Variants in RBPJ observed in about 807,000 individuals in gnomAD.
The protein encoded by RBPJ is recombining binding protein suppressor of hairless.
Under a neutral mutation model 67.8 loss-of-function variants are expected in RBPJ, and 9 were observed. The observed-to-expected ratio is 0.13, with a 90% CI of 0.08 to 0.23. The LOEUF (loss-of-function observed/expected upper bound fraction) is 0.23, where lower values mean the gene tolerates loss of function less well. RBPJ is among the 10% of genes least tolerant of loss of function. The pLI, the probability that RBPJ is intolerant of heterozygous loss-of-function variation, is 1.00. For synonymous variants in RBPJ, 198 were observed against 203.3 expected, an observed-to-expected ratio of 0.97 and a Z score of 0.22; for missense variants, 305 against 595.6, an observed-to-expected ratio of 0.51 and a Z score of 5.08.
intron 1 of RBPJ, among the ~76,000 whole-genome samples, chr4:26,274,236 C>T (rs1451619487): frequency 6.6e-6 from 1 of 152,220 alleles, no homozygotes; most frequent in Non-Finnish European, 1.5e-5. Context: ...GTGCCACATA[C>T]ATAGTAGGCG....
At chr4:26,255,726 C>T (rs1434002899) in intron 1 of RBPJ, among the ~76,000 whole-genome samples, 2 of 149,476 alleles carry the variant, frequency 1.3e-5, no homozygotes, top group Non-Finnish European at 3.0e-5. Context: ...GGCGTGAACC[C>T]GGGAGGCAGA....
At chr4:26,323,030 G>A (rs1379332529) in intron 1 of RBPJ, 2 of 149,258 alleles carry the variant, frequency 1.3e-5, no homozygotes, top group African/African-American at 5.0e-5. Context: ...TTGTTGATAG[G>A]GGACATACGA....
intron 1 of RBPJ, among the ~76,000 whole-genome samples, chr4:26,348,696 T>A (rs1199319398): frequency 3.3e-5 from 5 of 149,548 alleles, no homozygotes; most frequent in Admixed American, 3.3e-4. Flanking sequence ...TTTTTTGATT[T>A]TTGTTTTTTG....
At chr4:26,415,273 G>T (rs1232239215) in intron 3 of RBPJ, among the ~76,000 whole-genome samples, 1 of 152,148 alleles carries the variant, frequency 6.6e-6, no homozygotes, top group Non-Finnish European at 1.5e-5. Context: ...TGCCTGAACA[G>T]ATTTAGTCAT....
chr4:26,338,152 C>CTTT (rs1725080548), intron 1 of RBPJ, among the ~76,000 whole-genome samples: 1 of 92,970 alleles, frequency 1.1e-5, no homozygotes. Context: ...GTGTATTTTT[C>CTTT]TTTCTTTTTT....
chr4:26,380,724 G>T (rs764986748), intron 1 of RBPJ, among the ~76,000 whole-genome samples: 3 of 151,910 alleles, frequency 2.0e-5, no homozygotes, highest in Non-Finnish European at 4.4e-5. Flanking sequence ...CAGCAGATTG[G>T]TGTAAAGTTT....
At chr4:26,175,523 C>T (rs1270427869) in intron 1 of RBPJ, among the ~76,000 whole-genome samples, 4 of 152,198 alleles carry the variant, frequency 2.6e-5, no homozygotes, top group South Asian at 2.1e-4. Context: ...CACCCAGTTA[C>T]GTTTACCCCT....
At chr4:26,230,189 T>TAAAAAA (rs76427821) in intron 1 of RBPJ, among the ~76,000 whole-genome samples, 1 of 138,426 alleles carries the variant, frequency 7.2e-6, no homozygotes, top group African/African-American at 2.6e-5. Flanking sequence ...GACCCTATCT[T>TAAAAAA]AAAAAAAAAA....
intron 1 of RBPJ, among the ~76,000 whole-genome samples, chr4:26,275,998 G>C (rs1181583594): frequency 4.0e-5 from 6 of 151,356 alleles, no homozygotes; most frequent in Admixed American, 3.9e-4. Context: ...TTGTAGGCTG[G>C]GCGTGGTGGC....
intron 8 of RBPJ, 22 bp downstream of exon 8, chr4:26,428,882 G>GA (rs1274368359): frequency 3.2e-6 from 5 of 1,576,698 alleles, no homozygotes; most frequent in Non-Finnish European, 3.5e-6. Context: ...AATTACTGGT[G>GA]AAATCTAAAA....
chr4:26,407,743 A>G (rs985110151), intron 3 of RBPJ, among the ~76,000 whole-genome samples: 2 of 152,220 alleles, frequency 1.3e-5, no homozygotes, highest in Non-Finnish European at 2.9e-5. Flanking sequence ...TGTGACATAA[A>G]GGAAACCTCA....
the RBPJ span, among the ~76,000 whole-genome samples, chr4:26,114,481 A>ATG: frequency 1.4e-5 from 1 of 69,206 alleles, no homozygotes; most frequent in African/African-American, 6.9e-5. Flanking sequence ...GAATGTACAT[A>ATG]TATATATATA....
At chr4:26,287,402 A>T (rs1028438576) in intron 1 of RBPJ, among the ~76,000 whole-genome samples, 2 of 151,134 alleles carry the variant, frequency 1.3e-5, no homozygotes. Flanking sequence ...ATATAATAAC[A>T]ATTAGCCAGA....
chr4:26,400,850 T>C (rs946278135), intron 2 of RBPJ, among the ~76,000 whole-genome samples: 1 of 152,230 alleles, frequency 6.6e-6, no homozygotes, highest in Non-Finnish European at 1.5e-5. Flanking sequence ...CATCCAGTAG[T>C]AGAAGCCAGT....
intron 1 of RBPJ, among the ~76,000 whole-genome samples, chr4:26,349,271 T>A (rs1307591208): frequency 6.6e-6 from 1 of 152,024 alleles, no homozygotes; most frequent in Non-Finnish European, 1.5e-5. Flanking sequence ...GGTGTCTCGC[T>A]ATGTTGCCCA....
intron 1 of RBPJ, among the ~76,000 whole-genome samples, chr4:26,248,293 AAATC>A (rs766730405): frequency 6.6e-6 from 1 of 152,166 alleles, no homozygotes; most frequent in East Asian, 1.9e-4. Context: ...TCCATCTCAA[AAATC>A]AATCAATCAA....
intron 1 of RBPJ, among the ~76,000 whole-genome samples, chr4:26,368,953 G>A (rs1728889481): frequency 6.6e-6 from 1 of 152,124 alleles, no homozygotes; most frequent in South Asian, 2.1e-4. Flanking sequence ...TCTGTAGGGA[G>A]CCAATTTTCA....
chr4:26,328,610 T>G (rs1288488919), intron 1 of RBPJ, among the ~76,000 whole-genome samples: 2 of 152,176 alleles, frequency 1.3e-5, no homozygotes, highest in Non-Finnish European at 2.9e-5. Context: ...AGTGCTAACC[T>G]GATTATTTGG....
chr4:26,156,970 G>T, the RBPJ span, among the ~76,000 whole-genome samples: 2 of 151,308 alleles, frequency 1.3e-5, no homozygotes, highest in Admixed American at 1.3e-4. Flanking sequence ...AGCTACTCAG[G>T]AGGCTGAGGT....
Sources: allele counts gnomAD v4.1 joint callset (sites outside exome capture counted in the v4.1 genomes callset), GRCh38; gene constraint gnomAD v4.1.1; transcripts MANE v1.5; gene names NCBI Gene and HGNC (gene_info 2026-07-23, HGNC 2026-07-21).